Variants in RGS7 observed in about 807,000 individuals in gnomAD.
RGS7 encodes regulator of G-protein signaling 7.
A neutral mutation model predicts 81.1 loss-of-function variants in RGS7; 27 were observed. The ratio of observed to expected loss-of-function variants is 0.33; its 90% CI spans 0.25 to 0.46. RGS7 has a LOEUF of 0.46. RGS7 is among the 20% of genes least tolerant of loss of function. RGS7 has a pLI of 1.00. For missense variants in RGS7, 396 were observed against 607.4 expected (o/e 0.65, Z 3.66); for synonymous variants, 208 against 207.7 (o/e 1.00, Z -0.01).
chr1:241,035,017 A>C (rs947026512), intron 3 of RGS7, among the ~76,000 whole-genome samples: 1 of 152,180 alleles, frequency 6.6e-6, no homozygotes, highest in Admixed American at 6.5e-5. Flanking sequence ...TCTTTAAAAG[A>C]GAAAGCACTG....
chr1:241,190,041 T>C (rs1421279400), intron 2 of RGS7, among the ~76,000 whole-genome samples: 1 of 152,030 alleles, frequency 6.6e-6, no homozygotes, highest in Non-Finnish European at 1.5e-5. Flanking sequence ...AGGCGGAGCT[T>C]GCAGTGAGCC....
intron 2 of RGS7, among the ~76,000 whole-genome samples, chr1:241,230,790 G>A (rs1352652150): frequency 3.3e-5 from 5 of 152,206 alleles, no homozygotes; most frequent in Non-Finnish European, 1.5e-5. Context: ...TGTAGATCGG[G>A]AGGAGGCAGG....
chr1:241,220,941 AG>A (rs2074862390), intron 2 of RGS7, among the ~76,000 whole-genome samples: 1 of 145,100 alleles, frequency 6.9e-6, no homozygotes, highest in Non-Finnish European at 1.5e-5. Flanking sequence ...AAAGGAAGGA[AG>A]GAAGAAGCAA....
chr1:241,033,891 T>TA (rs1222046660), intron 3 of RGS7, among the ~76,000 whole-genome samples: 11 of 148,620 alleles, frequency 7.4e-5, no homozygotes, highest in East Asian at 2.0e-4. Context: ...ATAAGAAACT[T>TA]AAAAAAAAAA....
intron 3 of RGS7, among the ~76,000 whole-genome samples, chr1:241,022,104 G>T (rs552235049): frequency 6.6e-6 from 1 of 152,046 alleles, no homozygotes; most frequent in South Asian, 2.1e-4. Flanking sequence ...TATACAAGGG[G>T]GTTACTATTC....
At chr1:241,125,618 T>C (rs908255130) in intron 2 of RGS7, among the ~76,000 whole-genome samples, 1 of 151,890 alleles carries the variant, frequency 6.6e-6, no homozygotes, top group South Asian at 2.1e-4. Flanking sequence ...AAAATTATCA[T>C]GCCAGTTGCT....
chr1:241,078,301 C>CTCTG (rs1481513576), intron 3 of RGS7, among the ~76,000 whole-genome samples: 72 of 130,266 alleles, frequency 5.5e-4, no homozygotes, highest in African/African-American at 2.0e-3. Context: ...CTTCTGGTCT[C>CTCTG]TGTGTGTGTG....
intron 2 of RGS7, among the ~76,000 whole-genome samples, chr1:241,166,786 G>C (rs1478754407): frequency 6.6e-6 from 1 of 152,054 alleles, no homozygotes; most frequent in Admixed American, 6.6e-5. Context: ...TTTTGGGTAA[G>C]GTCATGAATA....
rs1309893262 is a variant in RGS7, at chr1:240,986,756, G to C, written c.176-3627C>G. 1.0e-4 allele frequency among the ~76,000 whole-genome samples: 2 copies of C among 19,922 alleles called. 1 individual carries two copies. The highest frequency in any genetic ancestry group is 1.8e-4 in the Non-Finnish European group (2 of 10,910). The allele number at this position is 19,922 out of a possible 152,430, so 13.1% of individuals were successfully genotyped here. A position where few individuals can be genotyped will look rare whatever the true frequency, so the allele number is the denominator to read the frequency against. On this transcript the variant is annotated intron_variant, in intron 3 of 18. Coordinates refer to ENST00000440928, the MANE Select transcript of RGS7 (RefSeq NM_001364886.1). ...CGCCACCTCGCCCGGCTAATTTTTT[G>C]TATTTTTAGTAGAGACAGGGTTTCA...
intron 3 of RGS7, among the ~76,000 whole-genome samples, chr1:241,064,466 C>A (rs912035945): frequency 2.7e-5 from 4 of 150,462 alleles, no homozygotes; most frequent in African/African-American, 9.8e-5. Flanking sequence ...CTCACACCTG[C>A]AGTCCCAGCT....
At chr1:241,356,099 A>C (rs902057858) in intron 1 of RGS7, among the ~76,000 whole-genome samples, 2 of 152,160 alleles carry the variant, frequency 1.3e-5, no homozygotes, top group African/African-American at 4.8e-5. Context: ...GAAGTGTTTG[A>C]TGCTCACCCT....
chr1:240,936,966 T>C (rs1414938892), intron 4 of RGS7, among the ~76,000 whole-genome samples: 2 of 152,168 alleles, frequency 1.3e-5, no homozygotes. Context: ...CAGTCCTCCT[T>C]TACTCCTGGC....
chr1:241,025,856 CT>C (rs2148710190), intron 3 of RGS7, among the ~76,000 whole-genome samples: 1 of 152,256 alleles, frequency 6.6e-6, no homozygotes, highest in Admixed American at 6.5e-5. Context: ...AGTGGACTCA[CT>C]TTCTGGAAGT....
At chr1:241,195,809 A>G (rs912632188) in intron 2 of RGS7, among the ~76,000 whole-genome samples, 3 of 152,102 alleles carry the variant, frequency 2.0e-5, no homozygotes, top group East Asian at 3.9e-4. Flanking sequence ...GGGAGAAAAA[A>G]TTACAGAAAA....
chr1:240,948,949 T>C (rs1185422965), intron 4 of RGS7, among the ~76,000 whole-genome samples: 2 of 152,034 alleles, frequency 1.3e-5, no homozygotes, highest in Admixed American at 1.3e-4. Flanking sequence ...TTCTCGTTCT[T>C]CATTTGCTGG....
intron 2 of RGS7, among the ~76,000 whole-genome samples, chr1:241,208,173 G>A (rs1330481917): frequency 6.6e-6 from 1 of 152,028 alleles, no homozygotes; most frequent in Non-Finnish European, 1.5e-5. Context: ...CAAAGTGCTG[G>A]GATTACAGGC....
intron 9 of RGS7, among the ~76,000 whole-genome samples, chr1:240,833,214 C>T (rs2147835433): frequency 6.6e-6 from 1 of 152,268 alleles, no homozygotes; most frequent in Admixed American, 6.5e-5. Flanking sequence ...TAGAAGACTA[C>T]TAAGTGCCTA....
chr1:240,930,608 C>T (rs552067773), intron 6 of RGS7, 109 bp downstream of exon 6: 2 of 1,058,350 alleles, frequency 1.9e-6, no homozygotes, highest in East Asian at 2.4e-5. Context: ...TGGTCCCATC[C>T]TGAGAACTGT....
At chr1:241,085,486 G>A (rs189589628) in intron 3 of RGS7, among the ~76,000 whole-genome samples, 27 of 152,050 alleles carry the variant, frequency 1.8e-4, no homozygotes, top group African/African-American at 5.8e-4. Flanking sequence ...CTGCAGTGGC[G>A]TGATCTTGGC....
Sources: allele counts gnomAD v4.1 joint callset (sites outside exome capture counted in the v4.1 genomes callset), GRCh38; gene constraint gnomAD v4.1.1; transcripts MANE v1.5; gene names NCBI Gene and HGNC (gene_info 2026-07-23, HGNC 2026-07-21).